Variants in MUC13 observed in about 807,000 individuals in gnomAD.
The protein encoded by MUC13 is mucin 13, cell surface associated.
In MUC13, 32 loss-of-function variants were observed where a neutral mutation model predicts 48.3. The observed-to-expected ratio is 0.66, with a 90% CI of 0.50 to 0.89. MUC13 has a LOEUF of 0.89. MUC13 is among the 40% of genes least tolerant of loss of function. The pLI is 0.00. For missense variants in MUC13, 571 were observed against 622.8 expected (o/e 0.92, Z 0.88); for synonymous variants, 199 against 224.9 (o/e 0.88, Z 1.03).
chr3:124,923,304 G>A (rs563637477), intron 3 of MUC13, among the ~76,000 whole-genome samples: 14 of 152,206 alleles, frequency 9.2e-5, no homozygotes, highest in South Asian at 2.1e-4. Context: ...CTGAAGATCA[G>A]GCTCCCAGGG....
At chr3:124,923,712 GTATT>G in intron 2 of MUC13, 63 bp from the exon 3 acceptor site, 1 of 1,550,368 alleles carries the variant, frequency 6.5e-7, no homozygotes, top group Non-Finnish European at 8.8e-7. Context: ...AACTGGAAAC[GTATT>G]TTTCCATCTT....
chr3:124,922,305 T>A lies in MUC13; in HGVS notation c.638-2A>T. On this transcript the variant is annotated splice_acceptor_variant, in intron 3 of 11. Coordinates refer to ENST00000616727, the MANE Select transcript of MUC13 (RefSeq NM_033049.4). LOFTEE classifies it high-confidence loss of function. Reference sequence around the variant, plus strand: ...AAATCTTCCCAGGGAATACCTTTCCTGAAAGTTAAGCAGAATCTTTCTGTA... The same window carrying A: ...AAATCTTCCCAGGGAATACCTTTCCAGAAAGTTAAGCAGAATCTTTCTGTA... 6.2e-7 allele frequency: 1 copy of A among 1,613,374 alleles called. No individual in the cohort carries two copies. Among genetic ancestry groups the A allele is most frequent in the Non-Finnish European group, 8.5e-7 (1 of 1,179,770 alleles).
Position 124,913,642 on chromosome 3 carries a change from G to T in MUC13, c.1004C>A (p.Ala335Glu). 1 of 1,614,142 alleles carries T rather than the reference G, an allele frequency of 6.2e-7. No homozygotes were observed. Among genetic ancestry groups the T allele is most frequent in the African/African-American group, 1.3e-5 (1 of 75,048 alleles). Residue 335 changes from alanine (A) to glutamate (E), a missense_variant, in exon 7 of 12, where the codon GCG becomes GAG. By Grantham distance (107) the Ala-to-Glu change is moderately radical. Transcript: ENST00000616727. Reference sequence around the variant, plus strand: ...TGCTAAACCATTGAGGCAGTCATCCGCAGTCTGGTTACAGCCATAATAATC... The same window carrying T: ...TGCTAAACCATTGAGGCAGTCATCCTCAGTCTGGTTACAGCCATAATAATC... ...RCDYYGCNQT[A>E]DDCLNGLACD...
At chr3:124,929,176 TTTTA>T (rs1460775031) in intron 1 of MUC13, among the ~76,000 whole-genome samples, 3 of 59,942 alleles carry the variant, frequency 5.0e-5, no homozygotes, top group Non-Finnish European at 3.6e-5. Flanking sequence ...CACTCTTTTA[TTTTA>T]TTTTTTTTTT....
At chr3:124,916,706 G>T (rs1935517645) in intron 5 of MUC13, among the ~76,000 whole-genome samples, 1 of 152,134 alleles carries the variant, frequency 6.6e-6, no homozygotes, top group Non-Finnish European at 1.5e-5. Context: ...TGAAAACAAT[G>T]TTCTGTTGGA....
In MUC13 at chr3:124,928,009, T is replaced by A. The variant is rs919987859; in HGVS notation, c.53-16A>T. 1 of 1,516,800 alleles carries A rather than the reference T, an allele frequency of 6.6e-7. No homozygotes were observed. The highest frequency in any genetic ancestry group is 2.3e-5 in the East Asian group (1 of 44,260). The allele number at this position is 1,516,800 out of a possible 1,614,324, so 94.0% of individuals were successfully genotyped here. A position where few individuals can be genotyped will look rare whatever the true frequency, so the allele number is the denominator to read the frequency against. On this transcript the variant is annotated splice_polypyrimidine_tract_variant and intron_variant, in intron 1 of 11. Transcript: ENST00000616727. ...TGGTTGGTGGCTGGAGGAACAAAGATACCAAGTTTGAGGAGACAGTACATT... is the reference window on the plus strand; with the variant it reads ...TGGTTGGTGGCTGGAGGAACAAAGAAACCAAGTTTGAGGAGACAGTACATT...
At position 124,912,164 on chromosome 3, in the gene MUC13, A is replaced by G. The variant is rs898788030; in HGVS notation, c.1215-23T>C. 8.1e-6 allele frequency: 13 copies of G among 1,610,810 alleles called. No individual in the cohort carries two copies. The Admixed American group carries it at 1.7e-4, about 21-fold the overall frequency. Reference sequence around the variant, plus strand: ...CACCTGAAATACAGTGAGCAATAGGAAACAGTGTTAAAGAGCCCCTGTGGG... The same window carrying G: ...CACCTGAAATACAGTGAGCAATAGGGAACAGTGTTAAAGAGCCCCTGTGGG... On this transcript the variant is annotated intron_variant, in intron 8 of 11. Coordinates refer to ENST00000616727, the MANE Select transcript of MUC13 (RefSeq NM_033049.4).
intron 1 of MUC13, among the ~76,000 whole-genome samples, chr3:124,929,471 A>T (rs578016231): frequency 6.6e-6 from 1 of 152,376 alleles, no homozygotes; most frequent in South Asian, 2.1e-4. Context: ...AGAGAACTGC[A>T]GAATATGCTT....
intron 9 of MUC13, among the ~76,000 whole-genome samples, chr3:124,911,846 G>C (rs143013953): frequency 1.3e-5 from 2 of 152,098 alleles, no homozygotes; most frequent in African/African-American, 4.8e-5. Flanking sequence ...CCCTTCTCTG[G>C]TCTCAAGCAA....
At chr3:124,911,634 G>A (rs1176161961) in intron 9 of MUC13, among the ~76,000 whole-genome samples, 2 of 151,866 alleles carry the variant, frequency 1.3e-5, no homozygotes, top group African/African-American at 4.8e-5. Context: ...GCATGGGAGG[G>A]TACAGAATTT....
At chr3:124,910,209 A>C (rs946315038) in intron 10 of MUC13, among the ~76,000 whole-genome samples, 1 of 152,032 alleles carries the variant, frequency 6.6e-6, no homozygotes, top group Non-Finnish European at 1.5e-5. Flanking sequence ...GAAACTAGAG[A>C]GTGTCATGCT....
At chr3:124,916,623 G>A (rs913446227) in intron 5 of MUC13, 143 bp from the exon 6 acceptor site, 13 of 790,692 alleles carry the variant, frequency 1.6e-5, no homozygotes, top group Admixed American at 5.6e-5. Context: ...TATGGAGGCC[G>A]GGGGCTGCAA....
chr3:124,908,012 CT>C, intron 11 of MUC13, 134 bp downstream of exon 11: 1 of 827,280 alleles, frequency 1.2e-6, no homozygotes, highest in Admixed American at 2.9e-5. Context: ...ATCTCTCTCT[CT>C]CTCTCTCTTT....
chr3:124,933,422 T>G (rs1207209926), intron 1 of MUC13, among the ~76,000 whole-genome samples: 1 of 152,170 alleles, frequency 6.6e-6, no homozygotes, highest in Non-Finnish European at 1.5e-5. Context: ...ATTGCTCCTG[T>G]TCCCCTCCCT....
chr3:124,914,755 G>A (rs982768001), intron 6 of MUC13, among the ~76,000 whole-genome samples: 4 of 151,766 alleles, frequency 2.6e-5, no homozygotes, highest in South Asian at 4.2e-4. Flanking sequence ...GGCGAAAACC[G>A]TCTCTACTAA....
intron 6 of MUC13, 35 bp from the exon 7 acceptor site, chr3:124,913,716 C>T: frequency 6.2e-7 from 1 of 1,612,794 alleles, no homozygotes; most frequent in Non-Finnish European, 8.5e-7. Flanking sequence ...ATATATTCAG[C>T]ATGACAATAT....
chr3:124,913,371 C>G, intron 7 of MUC13, 131 bp from the exon 8 acceptor site: 4 of 1,446,368 alleles, frequency 2.8e-6, no homozygotes, highest in Non-Finnish European at 3.8e-6. Context: ...TGACTCCACA[C>G]ATGATGTGCC....
intron 2 of MUC13, among the ~76,000 whole-genome samples, chr3:124,924,638 G>C (rs1019617010): frequency 2.0e-5 from 3 of 152,160 alleles, no homozygotes; most frequent in Non-Finnish European, 4.4e-5. Context: ...TATTTGCATA[G>C]GTAATTTCAG....
At chr3:124,909,682 T>C (rs1327968339) in intron 10 of MUC13, among the ~76,000 whole-genome samples, 1 of 151,574 alleles carries the variant, frequency 6.6e-6, no homozygotes, top group Non-Finnish European at 1.5e-5. Context: ...TGATAAACTT[T>C]CTTAAAAAAA....
Sources: allele counts gnomAD v4.1 joint callset (sites outside exome capture counted in the v4.1 genomes callset), GRCh38; gene constraint gnomAD v4.1.1; transcripts MANE v1.5; gene names NCBI Gene and HGNC (gene_info 2026-07-23, HGNC 2026-07-21).